The following ESR1 variants were observed in gnomAD, a reference collection of about 807,000 sequenced individuals.
The protein encoded by ESR1 is estrogen receptor 1.
In ESR1, 12 loss-of-function variants were observed where a neutral mutation model predicts 52.7. The observed-to-expected ratio is 0.23, with a 90% CI of 0.15 to 0.37. The LOEUF (loss-of-function observed/expected upper bound fraction) is 0.37. ESR1 is among the 10% of genes least tolerant of loss of function. The probability of loss-of-function intolerance (pLI) is 1.00; values close to 1 mark genes in which losing one functional copy is unlikely to be tolerated. For missense variants in ESR1, 584 were observed against 779.7 expected (o/e 0.75, Z 2.99); for synonymous variants, 305 against 316.8 (o/e 0.96, Z 0.39).
At chr6:151,704,374 G>T (rs1780024508) in intron 2 of ESR1, among the ~76,000 whole-genome samples, 1 of 152,174 alleles carries the variant, frequency 6.6e-6, no homozygotes, top group African/African-American at 2.4e-5. Flanking sequence ...AAGTAGCTGG[G>T]ATTACAGGTG....
intron 2 of ESR1, among the ~76,000 whole-genome samples, chr6:151,716,773 G>C (rs1039406278): frequency 6.6e-6 from 1 of 152,182 alleles, no homozygotes; most frequent in African/African-American, 2.4e-5. Flanking sequence ...TGGGCTCTGT[G>C]GGGGTGGGAT....
chr6:152,124,575 C>G (rs1392915905), intron 6 of ESR1, among the ~76,000 whole-genome samples: 2 of 152,124 alleles, frequency 1.3e-5, no homozygotes. Flanking sequence ...TTGTCTTCTA[C>G]TGATTTGTCA....
intron 6 of ESR1, among the ~76,000 whole-genome samples, chr6:152,083,034 C>G (rs1358652755): frequency 6.6e-6 from 1 of 152,146 alleles, no homozygotes; most frequent in Non-Finnish European, 1.5e-5. Flanking sequence ...AATGGTCATA[C>G]TGCCCAAGGT....
At chr6:152,080,793 C>T (rs1255324942) in intron 6 of ESR1, among the ~76,000 whole-genome samples, 3 of 151,102 alleles carry the variant, frequency 2.0e-5, no homozygotes, top group Non-Finnish European at 2.9e-5. Context: ...AATAAAGGGT[C>T]GAAGGAAAAT....
chr6:152,122,404 A>G (rs1042274520), intron 6 of ESR1: 1 of 1,613,764 alleles, frequency 6.2e-7, no homozygotes, highest in African/African-American at 1.3e-5. Flanking sequence ...TCCTTATGCT[A>G]CCAGCACTTC....
At chr6:151,791,198 C>G (rs1231807552) in intron 2 of ESR1, among the ~76,000 whole-genome samples, 1 of 152,120 alleles carries the variant, frequency 6.6e-6, no homozygotes, top group Non-Finnish European at 1.5e-5. Context: ...TTGGCTGTGA[C>G]CTCGCTCAAA....
At chr6:151,697,247 T>C (rs989047320) in intron 1 of ESR1, among the ~76,000 whole-genome samples, 3 of 152,206 alleles carry the variant, frequency 2.0e-5, no homozygotes, top group Admixed American at 6.5e-5. Context: ...AAAAAAAATC[T>C]TTTAGGACTT....
chr6:151,683,428 C>G (rs1484549592), intron 1 of ESR1, among the ~76,000 whole-genome samples: 1 of 151,486 alleles, frequency 6.6e-6, no homozygotes, highest in Non-Finnish European at 1.5e-5. Context: ...GACTTCCTGC[C>G]CCCTCAATTT....
upstream of ESR1, among the ~76,000 whole-genome samples, chr6:151,687,741 T>G (rs1301269907): frequency 6.6e-6 from 1 of 152,158 alleles, no homozygotes; most frequent in Non-Finnish European, 1.5e-5. Context: ...CCTGAAAAAT[T>G]TCTAGAATTT....
At chr6:151,960,202 A>G (rs1441007597) in intron 4 of ESR1, among the ~76,000 whole-genome samples, 1 of 152,356 alleles carries the variant, frequency 6.6e-6, no homozygotes, top group African/African-American at 2.4e-5. Context: ...TTCACTGGAC[A>G]TGCTATGAGC....
chr6:151,694,081 G>A (rs1354973045), intron 1 of ESR1, among the ~76,000 whole-genome samples: 2 of 152,164 alleles, frequency 1.3e-5, no homozygotes, highest in African/African-American at 2.4e-5. Context: ...GTGTTATTAC[G>A]TGTGATTCTC....
chr6:151,716,133 C>T (rs562262431), intron 2 of ESR1, among the ~76,000 whole-genome samples: 2 of 152,168 alleles, frequency 1.3e-5, no homozygotes, highest in Non-Finnish European at 2.9e-5. Context: ...GAGGTCTACT[C>T]CAAACCCTGT....
chr6:151,871,245 AT>A (rs1438850348), intron 2 of ESR1, among the ~76,000 whole-genome samples: 1 of 151,964 alleles, frequency 6.6e-6, no homozygotes, highest in Non-Finnish European at 1.5e-5. Flanking sequence ...AAATATATAT[AT>A]TAAAAATAAA....
intron 1 of ESR1, among the ~76,000 whole-genome samples, chr6:151,830,341 T>A (rs1230515757): frequency 6.6e-6 from 1 of 152,180 alleles, no homozygotes. Flanking sequence ...CCCTGGCTGG[T>A]CTCAGCTAGA....
chr6:151,990,460 G>T (rs1023746643), intron 4 of ESR1, among the ~76,000 whole-genome samples: 1 of 152,104 alleles, frequency 6.6e-6, no homozygotes, highest in African/African-American at 2.4e-5. Context: ...TTCTGTGGCT[G>T]TGTAATCCCT....
chr6:151,850,079 A>T (rs1246368766), intron 2 of ESR1, among the ~76,000 whole-genome samples: 6 of 60,390 alleles, frequency 9.9e-5, no homozygotes, highest in South Asian at 5.4e-4. Context: ...TATATAAAAA[A>T]TTATATATAT....
At chr6:152,064,760 C>G (rs1032363781) in intron 6 of ESR1, among the ~76,000 whole-genome samples, 2 of 152,160 alleles carry the variant, frequency 1.3e-5, no homozygotes, top group African/African-American at 4.8e-5. Flanking sequence ...GGACTGTCAA[C>G]AGATGTTACA....
intron 1 of ESR1, among the ~76,000 whole-genome samples, chr6:151,698,244 T>C (rs578231330): frequency 3.9e-5 from 6 of 152,078 alleles, no homozygotes; most frequent in Admixed American, 2.6e-4. Flanking sequence ...TGCACGCCTG[T>C]AGTCCCAGCT....
intron 4 of ESR1, among the ~76,000 whole-genome samples, chr6:151,981,003 A>C (rs1258882502): frequency 6.6e-6 from 1 of 152,204 alleles, no homozygotes; most frequent in Admixed American, 6.5e-5. Context: ...CGCCCAGTCC[A>C]TCTGAAGTTT....
Sources: gnomAD v4.1 joint callset for allele counts (sites outside exome capture counted in the v4.1 genomes callset) on GRCh38, gnomAD v4.1.1 for gene constraint, MANE v1.5 for transcripts, NCBI Gene and HGNC (gene_info 2026-07-23, HGNC 2026-07-21) for gene names.